The following SYT16 variants were observed in gnomAD, a reference collection of about 807,000 sequenced individuals.
The protein encoded by SYT16 is synaptotagmin-16.
In SYT16, 42 loss-of-function variants were observed where a neutral mutation model predicts 61.4. The ratio of observed to expected loss-of-function variants is 0.68; its 90% CI spans 0.53 to 0.89. The LOEUF is 0.89. Among genes scored for constraint, SYT16 ranks in the 40% least tolerant of loss-of-function variants. SYT16 has a pLI of 0.00. For missense variants in SYT16, 804 were observed against 807.3 expected, an observed-to-expected ratio of 1.00 and a Z score of 0.05; for synonymous variants, 314 against 302.3, an observed-to-expected ratio of 1.04 and a Z score of -0.40.
chr14:62,084,472 T>C (rs1416209097), intron 7 of SYT16, 87 bp downstream of exon 7: 3 of 1,422,114 alleles, frequency 2.1e-6, no homozygotes, highest in African/African-American at 1.5e-5. Flanking sequence ...CTTTAATTTT[T>C]ACCATAAAAA....
At position 61,930,480 on chromosome 14, in the gene SYT16, G is replaced by A. The variant is rs111985128; in HGVS notation, c.-324-39652G>A. ...CCTAGAAGTTTCAACCTTAACATCTGTTGGAACTGCCTTCTCCACCCCTTC... is the reference window on the plus strand; with the variant it reads ...CCTAGAAGTTTCAACCTTAACATCTATTGGAACTGCCTTCTCCACCCCTTC... On this transcript the variant is annotated intron_variant, in intron 1 of 7. Coordinates refer to ENST00000683842, the MANE Select transcript of SYT16 (RefSeq NM_001367656.1). Among the ~76,000 whole-genome samples, 455 of 152,038 alleles carry A rather than the reference G, an allele frequency of 3.0e-3. 3 individuals are homozygous for A. The highest frequency in any genetic ancestry group is 0.011 in the African/African-American group (439 of 41,502).
intron 1 of SYT16, among the ~76,000 whole-genome samples, chr14:61,940,857 T>C (rs1428768314): frequency 6.6e-6 from 1 of 152,140 alleles, no homozygotes; most frequent in Non-Finnish European, 1.5e-5. Context: ...ACCGGAATGG[T>C]TGACAAGGTC....
At chr14:61,859,553 CTCT>C (rs949171510) in intron 1 of SYT16, among the ~76,000 whole-genome samples, 3 of 151,946 alleles carry the variant, frequency 2.0e-5, no homozygotes, top group Admixed American at 6.5e-5. Flanking sequence ...AGAGCTGTTT[CTCT>C]TCTTCTGCCT....
chr14:61,833,530 G>A (rs2046012287), intron 1 of SYT16, among the ~76,000 whole-genome samples: 2 of 151,458 alleles, frequency 1.3e-5, no homozygotes, highest in Admixed American at 6.6e-5. Flanking sequence ...GACCTCAGGT[G>A]ATCTGCCTGT....
At chr14:61,884,704 C>A (rs1355340116) in intron 1 of SYT16, among the ~76,000 whole-genome samples, 2 of 152,152 alleles carry the variant, frequency 1.3e-5, no homozygotes, top group Non-Finnish European at 2.9e-5. Flanking sequence ...TAGGTGGGTT[C>A]ATTATGCCTA....
chr14:61,935,618 C>T (rs141622480), intron 1 of SYT16, among the ~76,000 whole-genome samples: 104 of 152,256 alleles, frequency 6.8e-4, no homozygotes, highest in African/African-American at 2.3e-3. Flanking sequence ...AGCACAGAGT[C>T]GACACGTGGC....
At chr14:61,835,991 C>T (rs1025192110) in intron 1 of SYT16, among the ~76,000 whole-genome samples, 1 of 152,172 alleles carries the variant, frequency 6.6e-6, no homozygotes, top group Non-Finnish European at 1.5e-5. Context: ...ACGTTGCCAT[C>T]ACCGGGAACT....
chr14:61,922,659 C>G (rs1485140634), intron 1 of SYT16, among the ~76,000 whole-genome samples: 9 of 152,128 alleles, frequency 5.9e-5, no homozygotes, highest in Non-Finnish European at 1.3e-4. Flanking sequence ...CTTGAATTTA[C>G]AAACTTGTAC....
At chr14:62,068,365 A>AAAAACAAAACAAAAC (rs57308262) in intron 3 of SYT16, among the ~76,000 whole-genome samples, 2 of 150,330 alleles carry the variant, frequency 1.3e-5, no homozygotes, top group Non-Finnish European at 3.0e-5. Flanking sequence ...TGGAATCTAA[A>AAAAACAAAACAAAAC]AAAACAAAAC....
At chr14:62,084,005 T>C (rs1274225443) in intron 6 of SYT16, among the ~76,000 whole-genome samples, 191 bp from the exon 7 acceptor site, 1 of 152,210 alleles carries the variant, frequency 6.6e-6, no homozygotes, top group Non-Finnish European at 1.5e-5. Flanking sequence ...AATATGTCAG[T>C]TCCTAATGCA....
At chr14:61,929,515 G>T (rs543183158) in intron 1 of SYT16, among the ~76,000 whole-genome samples, 6 of 152,152 alleles carry the variant, frequency 3.9e-5, no homozygotes, top group Admixed American at 6.5e-5. Flanking sequence ...AATGTTTCAG[G>T]GAAGAATACT....
chr14:61,827,449 T>C (rs901299135), intron 1 of SYT16, among the ~76,000 whole-genome samples: 2 of 152,238 alleles, frequency 1.3e-5, no homozygotes, highest in Non-Finnish European at 2.9e-5. Context: ...TCTCCCTTGC[T>C]CTTTTTGTCG....
At chr14:61,888,187 G>A (rs180811018) in intron 1 of SYT16, among the ~76,000 whole-genome samples, 14 of 143,244 alleles carry the variant, frequency 9.8e-5, no homozygotes, top group Admixed American at 9.3e-4. Flanking sequence ...GCGTGATCTT[G>A]GCTCACTGCA....
rs567705269 is a variant in SYT16, at chr14:61,914,608, G to A, written c.-324-55524G>A. 3.9e-5 allele frequency among the ~76,000 whole-genome samples: 5 copies of A among 127,800 alleles called. No individual in the cohort carries two copies. The East Asian group carries it at 2.2e-3, about 56-fold the overall frequency. 83.8% of individuals were successfully genotyped at this position (127,800 alleles called of 152,430 possible). A position where few individuals can be genotyped will look rare whatever the true frequency, so the allele number is the denominator to read the frequency against. ...AAAGTGGCACCATCTGTTGGCTGAG[G>A]CCAAAAACCTTGGGGTTATCTTTGA... is the stretch of plus-strand genomic sequence containing the variant. On this transcript the variant is annotated intron_variant, in intron 1 of 7. Coordinates refer to ENST00000683842, the MANE Select transcript of SYT16 (RefSeq NM_001367656.1).
At chr14:61,964,257 AT>A (rs2051221578) in intron 1 of SYT16, among the ~76,000 whole-genome samples, 1 of 152,172 alleles carries the variant, frequency 6.6e-6, no homozygotes, top group Non-Finnish European at 1.5e-5. Context: ...CATTGAAAAC[AT>A]TTGGAAAGGT....
chr14:62,039,032 C>A, intron 3 of SYT16, among the ~76,000 whole-genome samples: 1 of 152,172 alleles, frequency 6.6e-6, no homozygotes, highest in Admixed American at 6.5e-5. Flanking sequence ...AGTAAAGTGA[C>A]AAATGGCAAG....
chr14:62,045,732 T>C (rs1004422989), intron 3 of SYT16, among the ~76,000 whole-genome samples: 2 of 152,134 alleles, frequency 1.3e-5, no homozygotes, highest in African/African-American at 2.4e-5. Context: ...AATAGTTTGC[T>C]GAGAATGATG....
In SYT16 at chr14:61,932,610, C is replaced by T. The variant is rs538120627; in HGVS notation, c.-324-37522C>T. On this transcript the variant is annotated intron_variant, in intron 1 of 7. Transcript: ENST00000683842. ...CAAATCACTTCCTACCGGTTCCTTC[C>T]GTCAACACATGGGGGATTATGGAGA... 3.6e-4 allele frequency among the ~76,000 whole-genome samples: 55 copies of T among 152,254 alleles called. 1 individual carries two copies. In the South Asian group the frequency reaches 7.5e-3, roughly 21 times the overall value.
chr14:62,030,408 T>G (rs1326238813), intron 3 of SYT16, among the ~76,000 whole-genome samples: 16 of 152,188 alleles, frequency 1.1e-4, no homozygotes, highest in Admixed American at 5.2e-4. Context: ...GGATCCTCTG[T>G]GTGGAAATCG....
Sources: allele counts gnomAD v4.1 joint callset (sites outside exome capture counted in the v4.1 genomes callset), GRCh38; gene constraint gnomAD v4.1.1; transcripts MANE v1.5; gene names NCBI Gene and HGNC (gene_info 2026-07-23, HGNC 2026-07-21).